Variants in USH2A observed in about 807,000 individuals in gnomAD.
The protein encoded by USH2A is usherin, also known as Usher syndrome 2A (autosomal recessive, mild).
USH2A carries 443 observed loss-of-function variants against 538.9 expected under a neutral mutation model. The ratio of observed to expected loss-of-function variants is 0.82; its 90% CI spans 0.76 to 0.89. The LOEUF (loss-of-function observed/expected upper bound fraction) is 0.89. Ranked by LOEUF, USH2A falls within the 40% of genes least tolerant of loss-of-function variation. USH2A has a pLI of 0.00. For missense variants in USH2A, 6,633 were observed against 6,324.8 expected, an observed-to-expected ratio of 1.05 and a Z score of -1.65; for synonymous variants, 2,413 against 2,273.5, an observed-to-expected ratio of 1.06 and a Z score of -1.75.
intron 60 of USH2A, among the ~76,000 whole-genome samples, chr1:215,739,808 G>A (rs1017703106): frequency 2.6e-5 from 4 of 152,114 alleles, no homozygotes; most frequent in Non-Finnish European, 5.9e-5. Flanking sequence ...ACTGAAGACT[G>A]ATGTGAATCA....
In USH2A at chr1:216,207,291, CTG is replaced by C. The variant is rs748369458; in HGVS notation, c.3296_3297del (p.Thr1099ArgfsTer27). ...AACTCACTGTATGGGTATTGATCCT[CTG>C]TTGTGTAGATTTCAAAACCATCCCT... Reference protein sequence around the residue: ...LLRDGFEIYTTEDQYPYSIQY... With the variant: ...LLRDGFEIYTXEDQYPYSIQY... On this transcript the variant is annotated frameshift_variant, in exon 16 of 72. Transcript: ENST00000307340. LOFTEE classifies it high-confidence loss of function. 6 of 1,613,990 alleles carry C rather than the reference CTG, an allele frequency of 3.7e-6. No individual in the cohort carries two copies. Among genetic ancestry groups the C allele is most frequent in the Non-Finnish European group, 5.1e-6 (6 of 1,179,928 alleles).
At chr1:215,651,540 AT>A (rs1276075813) in intron 64 of USH2A, among the ~76,000 whole-genome samples, 1 of 151,900 alleles carries the variant, frequency 6.6e-6, no homozygotes, top group African/African-American at 2.4e-5. Flanking sequence ...ACTTCAGGAA[AT>A]TTTTTTCTCA....
At chr1:215,702,914 CT>C (rs1380601025) in intron 61 of USH2A, among the ~76,000 whole-genome samples, 1 of 151,966 alleles carries the variant, frequency 6.6e-6, no homozygotes, top group African/African-American at 2.4e-5. Context: ...AATTTTCAGC[CT>C]TTTTGCGCTG....
chr1:216,040,765 C>T (rs1053968336), intron 32 of USH2A, among the ~76,000 whole-genome samples: 1 of 151,886 alleles, frequency 6.6e-6, no homozygotes, highest in Admixed American at 6.6e-5. Flanking sequence ...ATAGGTCCTT[C>T]AATCTTTCGA....
At chr1:216,018,443 AACCCTTGCAAGCACAGAGCCTGGGG>A (rs1399475893) in intron 32 of USH2A, among the ~76,000 whole-genome samples, 1 of 152,148 alleles carries the variant, frequency 6.6e-6, no homozygotes, top group East Asian at 1.9e-4. Flanking sequence ...TGCCCATCTG[AACCCTTGCAAGCACAGAGCCTGGGG>A]ACCCTTGCAA....
At chr1:215,899,436 T>C (rs1665434837) in intron 40 of USH2A, among the ~76,000 whole-genome samples, 1 of 152,232 alleles carries the variant, frequency 6.6e-6, no homozygotes, top group Non-Finnish European at 1.5e-5. Flanking sequence ...TTTATAGAGG[T>C]AATTTGTATA....
intron 21 of USH2A, among the ~76,000 whole-genome samples, chr1:216,110,632 A>C (rs1273071105): frequency 6.6e-6 from 1 of 152,214 alleles, no homozygotes; most frequent in Non-Finnish European, 1.5e-5. Flanking sequence ...TGAGTACAAA[A>C]TATTATAAAG....
At chr1:215,725,919 C>A (rs1476315136) in intron 61 of USH2A, among the ~76,000 whole-genome samples, 1 of 152,044 alleles carries the variant, frequency 6.6e-6, no homozygotes, top group African/African-American at 2.4e-5. Flanking sequence ...TACTTTAAAT[C>A]TTGTGTTTTA....
intron 38 of USH2A, among the ~76,000 whole-genome samples, chr1:215,911,948 T>C (rs1033374538): frequency 3.9e-5 from 6 of 152,128 alleles, no homozygotes; most frequent in African/African-American, 1.4e-4. Flanking sequence ...TTGATTTGCA[T>C]TTCTCTGATA....
At chr1:216,036,837 A>G (rs1479081059) in intron 32 of USH2A, among the ~76,000 whole-genome samples, 1 of 152,168 alleles carries the variant, frequency 6.6e-6, no homozygotes, top group African/African-American at 2.4e-5. Flanking sequence ...AGGTACAGGA[A>G]CACAAAAAAT....
intron 20 of USH2A, among the ~76,000 whole-genome samples, chr1:216,187,416 C>T (rs1457035251): frequency 6.6e-6 from 1 of 151,890 alleles, no homozygotes; most frequent in Non-Finnish European, 1.5e-5. Flanking sequence ...ACATTATTAA[C>T]TCTATATTGC....
chr1:215,806,415 C>CTAAT (rs1367826670), intron 49 of USH2A, among the ~76,000 whole-genome samples: 1 of 152,010 alleles, frequency 6.6e-6, no homozygotes, highest in African/African-American at 2.4e-5. Flanking sequence ...GTAGCACCAG[C>CTAAT]TAATTACCTG....
Position 216,073,136 on chromosome 1 carries a change from C to G in USH2A, c.5737G>C (p.Glu1913Gln), listed in dbSNP as rs762837293. ...NDSILVYQGK[E>Q]QSVYEGGLQP... The stretch of plus-strand genomic sequence containing the variant: ...AGACCACCCTCGTAAACACTCTGCT[C>G]TTTTCCCTGGTAAACCAGGATGGAG... Residue 1913 changes from glutamate to glutamine, a missense_variant, in exon 28 of 72, where the codon GAG becomes CAG. Glu to Gln is a conservative substitution (Grantham distance 29). Transcript: ENST00000307340. 1.2e-6 allele frequency: 2 copies of G among 1,613,872 alleles called. No individual in the cohort carries two copies. Among genetic ancestry groups the G allele is most frequent in the Admixed American group, 3.3e-5 (2 of 59,932 alleles).
At chr1:215,777,370 G>A (rs531764369) in intron 55 of USH2A, among the ~76,000 whole-genome samples, 2 of 152,280 alleles carry the variant, frequency 1.3e-5, no homozygotes, top group African/African-American at 4.8e-5. Context: ...TGGTCTGTTG[G>A]TGTATAAATG....
intron 61 of USH2A, among the ~76,000 whole-genome samples, chr1:215,681,124 T>C (rs76979604): frequency 3.9e-5 from 6 of 152,200 alleles, no homozygotes; most frequent in Non-Finnish European, 7.3e-5. Context: ...GATAGCCTAA[T>C]TAGGATTTTT....
intron 21 of USH2A, among the ~76,000 whole-genome samples, chr1:216,104,434 T>C (rs2032680572): frequency 6.6e-6 from 1 of 152,190 alleles, no homozygotes; most frequent in Admixed American, 6.5e-5. Context: ...TCATGGTGTA[T>C]ATGCACCACA....
chr1:216,396,131 C>T (rs911612840), intron 3 of USH2A, among the ~76,000 whole-genome samples: 5 of 151,912 alleles, frequency 3.3e-5, no homozygotes, highest in East Asian at 3.9e-4. Flanking sequence ...AATCTGTAAT[C>T]GCAGTAAATA....
In USH2A at chr1:216,324,352, C is replaced by A. The variant is rs750651679; in HGVS notation, c.1144G>T (p.Val382Leu). 3.1e-6 allele frequency: 5 copies of A among 1,608,726 alleles called. No homozygotes were observed. Among genetic ancestry groups the A allele is most frequent in the South Asian group, 2.2e-5 (2 of 90,518 alleles). Residue 382 changes from valine (V) to leucine (L), a missense_variant and splice_region_variant, in exon 7 of 72, where the codon GTG becomes TTG. Transcript: ENST00000307340. ...AAGAACTGAATGATAATATAAAACA[C>A]CTGAAAATGGAAAGTTAATTAATGT... ...SVDLENGQYQVFYIIIQFFSP... is the reference protein window; with the variant it reads ...SVDLENGQYQLFYIIIQFFSP...
chr1:216,214,781 A>G (rs1292540953), intron 15 of USH2A, among the ~76,000 whole-genome samples: 4 of 152,054 alleles, frequency 2.6e-5, no homozygotes, highest in African/African-American at 9.7e-5. Context: ...ATGTGGATAT[A>G]AAGATGAATA....
Sources: allele counts gnomAD v4.1 joint callset (sites outside exome capture counted in the v4.1 genomes callset), GRCh38; gene constraint gnomAD v4.1.1; transcripts MANE v1.5; gene names NCBI Gene and HGNC (gene_info 2026-07-23, HGNC 2026-07-21).